Variants in IP6K2 observed in about 807,000 individuals in gnomAD.
The protein encoded by IP6K2 is inositol hexakisphosphate kinase 2.
In IP6K2, 9 loss-of-function variants were observed where a neutral mutation model predicts 43.3. The observed-to-expected ratio is 0.21, with a 90% CI of 0.13 to 0.36. The LOEUF is 0.36. Among genes scored for constraint, IP6K2 ranks in the 10% least tolerant of loss-of-function variants. The pLI is 1.00. For missense variants in IP6K2, 332 were observed against 538.4 expected, an observed-to-expected ratio of 0.62 and a Z score of 3.79; for synonymous variants, 209 against 202.4, an observed-to-expected ratio of 1.03 and a Z score of -0.28.
At chr3:48,714,906 A>G (rs2081027498) in intron 1 of IP6K2, among the ~76,000 whole-genome samples, 1 of 151,830 alleles carries the variant, frequency 6.6e-6, no homozygotes, top group African/African-American at 2.4e-5. Flanking sequence ...TGTAGATGAA[A>G]CAAGATTGGC....
At chr3:48,699,680 A>G (rs1201318718) in intron 1 of IP6K2, 1 of 152,160 alleles carries the variant, frequency 6.6e-6, no homozygotes, top group African/African-American at 2.4e-5. Flanking sequence ...TAGGGAAACA[A>G]TTGACCATCC....
rs1258300524 is a variant in IP6K2, at chr3:48,695,058, G to A, written c.202+32C>T. ...CACGATCTCTCACATCTCCTCGCCA[G>A]TGTGGCAACCCCTCCAGCAGCTGGG... On this transcript the variant is annotated intron_variant, in intron 2 of 5. Coordinates refer to ENST00000328631, the MANE Select transcript of IP6K2 (RefSeq NM_016291.4). This position sits in a 1 kb window ranked among gnomAD's most constrained non-coding sequence, Gnocchi z 4.6. 6.2e-7 allele frequency: 1 copy of A among 1,614,160 alleles called. No individual in the cohort carries two copies. The highest frequency in any genetic ancestry group is 8.5e-7 in the Non-Finnish European group (1 of 1,179,962).
chr3:48,717,098 C>T (rs924425186), intron 1 of IP6K2, 59 bp downstream of exon 1: 4 of 154,822 alleles, frequency 2.6e-5, no homozygotes, highest in African/African-American at 9.6e-5. Flanking sequence ...TTCCCAGTAG[C>T]CTGAAAAAAT....
Position 48,688,139 on chromosome 3 carries a change from G to A in IP6K2, c.*134C>T. The A allele has an allele frequency of 2.3e-6, 2 of 884,482 alleles. No individual in the cohort carries two copies. Among genetic ancestry groups the A allele is most frequent in the Non-Finnish European group, 3.6e-6 (2 of 558,316 alleles). 54.8% of individuals were successfully genotyped at this position (884,482 alleles called of 1,614,324 possible). A position where few individuals can be genotyped will look rare whatever the true frequency, so the allele number is the denominator to read the frequency against. ...CACAGCTGGGACTGGCTCAGGCTGG[G>A]GCTCACAGAGGCCACTGCACATCAG... is the stretch of plus-strand genomic sequence containing the variant. On this transcript the variant is annotated 3_prime_UTR_variant, in exon 6 of 6. Coordinates refer to ENST00000328631, the MANE Select transcript of IP6K2 (RefSeq NM_016291.4). This position sits in a 1 kb window ranked among gnomAD's most constrained non-coding sequence, Gnocchi z 5.1.
At chr3:48,692,012 T>A (rs1172585557) in intron 3 of IP6K2, among the ~76,000 whole-genome samples, 1 of 152,052 alleles carries the variant, frequency 6.6e-6, no homozygotes, top group Admixed American at 6.5e-5. Context: ...TTTGTATTTT[T>A]AGGAGAGACA....
intron 5 of IP6K2, 116 bp downstream of exon 5, chr3:48,689,422 G>T: frequency 9.2e-7 from 1 of 1,085,828 alleles, no homozygotes; most frequent in Non-Finnish European, 1.3e-6. Context: ...AAAGTGCTGG[G>T]ATTACAGGTG....
At chr3:48,713,985 C>T (rs2080865644) in intron 1 of IP6K2, among the ~76,000 whole-genome samples, 1 of 151,850 alleles carries the variant, frequency 6.6e-6, no homozygotes, top group Admixed American at 6.6e-5. Context: ...GGTGCGGTGG[C>T]ACATGCCTGT....
intron 1 of IP6K2, chr3:48,699,409 AC>A (rs1160956075): frequency 6.6e-6 from 1 of 151,956 alleles, no homozygotes; most frequent in Non-Finnish European, 1.5e-5. Context: ...CAAAAAAAAA[AC>A]AAAAAACAAC....
At chr3:48,717,058 C>T (rs2081273232) in intron 1 of IP6K2, 99 bp downstream of exon 1, 1 of 154,790 alleles carries the variant, frequency 6.5e-6, no homozygotes, top group African/African-American at 2.4e-5. Context: ...CCCAAATAAC[C>T]TGGGAGACTC....
In IP6K2 at chr3:48,695,370, CGT is replaced by C; in HGVS notation, c.-81_-80del. 1 of 1,493,602 alleles carries C rather than the reference CGT, an allele frequency of 6.7e-7. No individual in the cohort carries two copies. The highest frequency in any genetic ancestry group is 8.9e-7 in the Non-Finnish European group (1 of 1,121,028). 92.5% of individuals were successfully genotyped at this position (1,493,602 alleles called of 1,614,324 possible). ...GTACGTCTTCTGTCTGTTGTTTGTCCGTGTGTCCCTCTCGTCTTGGCTCCTTG... is the reference window on the plus strand; with the variant it reads ...GTACGTCTTCTGTCTGTTGTTTGTCCGTGTCCCTCTCGTCTTGGCTCCTTG... On this transcript the variant is annotated 5_prime_UTR_variant, in exon 2 of 6. Transcript: ENST00000328631. The surrounding 1 kb of genome is among the most constrained non-coding windows in gnomAD (Gnocchi z 4.6).
At chr3:48,700,031 T>C (rs1400016754) in intron 1 of IP6K2, among the ~76,000 whole-genome samples, 2 of 152,172 alleles carry the variant, frequency 1.3e-5, no homozygotes, top group Admixed American at 6.6e-5. Context: ...CTCTATAAAA[T>C]AATAATAAAC....
intron 1 of IP6K2, among the ~76,000 whole-genome samples, chr3:48,706,819 AAAAT>A (rs2079846286): frequency 6.6e-6 from 1 of 152,192 alleles, no homozygotes; most frequent in African/African-American, 2.4e-5. Context: ...TGTCCCCAAA[AAAAT>A]AAAAAAGAAA....
intron 1 of IP6K2, among the ~76,000 whole-genome samples, chr3:48,697,038 G>T (rs6763557): frequency 0.82 from 120,005 of 146,358 alleles, 48,869 homozygotes; most frequent in East Asian, 1. Flanking sequence ...TTTTTTTTTT[G>T]GAGATGGAGT....
intron 3 of IP6K2, among the ~76,000 whole-genome samples, chr3:48,692,743 GC>G (rs2077907898): frequency 6.6e-6 from 1 of 152,252 alleles, no homozygotes; most frequent in Non-Finnish European, 1.5e-5. Flanking sequence ...TCTTACAGCT[GC>G]CAGTGCAGCT....
intron 1 of IP6K2, among the ~76,000 whole-genome samples, chr3:48,714,731 C>T (rs2080985420): frequency 1.3e-5 from 2 of 150,784 alleles, no homozygotes; most frequent in African/African-American, 4.9e-5. Flanking sequence ...AGGCCAGGCG[C>T]GGAGGCTGAG....
At chr3:48,689,266 C>T (rs933866473) in intron 5 of IP6K2, among the ~76,000 whole-genome samples, 1 of 152,204 alleles carries the variant, frequency 6.6e-6, no homozygotes, top group Non-Finnish European at 1.5e-5. Flanking sequence ...TGTTTTCATG[C>T]CTCAGCCTCC....
At chr3:48,707,102 C>T (rs1297636859) in intron 1 of IP6K2, among the ~76,000 whole-genome samples, 1 of 152,096 alleles carries the variant, frequency 6.6e-6, no homozygotes, top group Non-Finnish European at 1.5e-5. Flanking sequence ...CTGCCCTATA[C>T]TAGGTGGTAA....
chr3:48,712,005 A>G (rs2080578799), intron 1 of IP6K2, among the ~76,000 whole-genome samples: 1 of 152,162 alleles, frequency 6.6e-6, no homozygotes, highest in Non-Finnish European at 1.5e-5. Context: ...TTTAAAGCAC[A>G]TCTAAACAAA....
chr3:48,690,387 A>T (rs1454904503), intron 4 of IP6K2, among the ~76,000 whole-genome samples: 2 of 152,054 alleles, frequency 1.3e-5, no homozygotes, highest in South Asian at 2.1e-4. Flanking sequence ...TGTTATCCCA[A>T]CATTTTGGGA....
Sources: gnomAD v4.1 joint callset for allele counts (sites outside exome capture counted in the v4.1 genomes callset) on GRCh38, gnomAD v4.1.1 for gene constraint, Gnocchi (gnomAD v3.1) non-coding constraint, MANE v1.5 for transcripts, NCBI Gene and HGNC (gene_info 2026-07-23, HGNC 2026-07-21) for gene names.